ADD2: variants seen among roughly 807,000 people sequenced by gnomAD.
The protein encoded by ADD2 is adducin 2.
A neutral mutation model predicts 83.0 loss-of-function variants in ADD2; 23 were observed. That is an observed-to-expected ratio of 0.28 (90% CI 0.20 to 0.39). The LOEUF (loss-of-function observed/expected upper bound fraction) is 0.39, where lower values mean the gene tolerates loss of function less well. Among genes scored for constraint, ADD2 ranks in the 10% least tolerant of loss-of-function variants. The pLI is 1.00. For missense variants in ADD2, 758 were observed against 944.9 expected, an observed-to-expected ratio of 0.80 and a Z score of 2.59; for synonymous variants, 375 against 375.4, an observed-to-expected ratio of 1.00 and a Z score of 0.01.
chr2:70,685,907 C>G (rs925671345), intron 9 of ADD2, among the ~76,000 whole-genome samples: 9 of 152,232 alleles, frequency 5.9e-5, no homozygotes, highest in Non-Finnish European at 1.3e-4. Context: ...GTCGGCAGAG[C>G]AGGGAGCTGC....
intron 15 of ADD2, among the ~76,000 whole-genome samples, chr2:70,665,824 T>TTC (rs1448759936): frequency 1.3e-5 from 2 of 151,814 alleles, no homozygotes; most frequent in East Asian, 3.8e-4. Context: ...TTTTGTTTTT[T>TTC]TTTTTTTCCC....
rs541839358 is a variant in ADD2 at position 70,735,383 on chromosome 2, G to A, written c.-153-22199C>T. Among the ~76,000 whole-genome samples the A allele has an allele frequency of 7.9e-5, 12 of 152,210 alleles. No individual in the cohort carries two copies. In the East Asian group the frequency reaches 9.7e-4, roughly 12 times the overall value. ...ACATCAAAACTCCATCACATGGGGG[G>A]CACAGTTCGCACAACCCAAATTTAA... On this transcript the variant is annotated intron_variant, in intron 1 of 15. Coordinates refer to ENST00000264436, the MANE Select transcript of ADD2 (RefSeq NM_001617.4).
intron 7 of ADD2, chr2:70,691,721 T>C (rs868942844): frequency 1.3e-5 from 2 of 152,218 alleles, no homozygotes; most frequent in Non-Finnish European, 1.5e-5. Flanking sequence ...CTTCACATCT[T>C]AGTCCAAATT....
chr2:70,686,046 C>T (rs1173703152), intron 9 of ADD2, among the ~76,000 whole-genome samples: 1 of 152,232 alleles, frequency 6.6e-6, no homozygotes, highest in Non-Finnish European at 1.5e-5. Context: ...GCCACGTTCG[C>T]TTGTTTGCCA....
chr2:70,667,636 G>C (rs1669700677), intron 15 of ADD2, among the ~76,000 whole-genome samples: 2 of 152,072 alleles, frequency 1.3e-5, no homozygotes, highest in African/African-American at 4.8e-5. Context: ...GCTTTTTGGT[G>C]GGGGGATGGA....
At chr2:70,730,925 C>T (rs1224981735) in intron 1 of ADD2, among the ~76,000 whole-genome samples, 6 of 152,176 alleles carry the variant, frequency 3.9e-5, no homozygotes, top group African/African-American at 1.4e-4. Context: ...TGTAAGTACA[C>T]TCTCTGATTT....
In ADD2 at chr2:70,663,043, T is replaced by G; in HGVS notation, c.*382A>C. ...ACTCAGGGGAAGCCTTGACCTCTGATTTAGTCTGAGCCTGTGAGAGCTCAC... is the reference window on the plus strand; with the variant it reads ...ACTCAGGGGAAGCCTTGACCTCTGAGTTAGTCTGAGCCTGTGAGAGCTCAC... On this transcript the variant is annotated 3_prime_UTR_variant, in exon 16 of 16. Transcript: ENST00000264436. The G allele has an allele frequency of 1.1e-5, 2 of 183,012 alleles. No homozygotes were observed. Among genetic ancestry groups the G allele is most frequent in the Non-Finnish European group, 2.3e-5 (2 of 87,178 alleles). The allele number at this position is 183,012 out of a possible 1,614,324, so 11.3% of individuals were successfully genotyped here.
intron 1 of ADD2, among the ~76,000 whole-genome samples, chr2:70,744,458 A>T (rs1242593620): frequency 6.6e-6 from 1 of 152,190 alleles, no homozygotes; most frequent in Admixed American, 6.5e-5. Flanking sequence ...ACAGGGAGAA[A>T]AAGGGAAAAT....
At chr2:70,743,571 C>G (rs1674031764) in intron 1 of ADD2, among the ~76,000 whole-genome samples, 2 of 152,156 alleles carry the variant, frequency 1.3e-5, no homozygotes, top group Admixed American at 6.5e-5. Context: ...TTCTTCTCAA[C>G]AAGTGTGTAA....
rs1302314937 is a variant in ADD2, at chr2:70,661,019, C to G, written c.*2406G>C. On this transcript the variant is annotated 3_prime_UTR_variant, in exon 16 of 16. Coordinates refer to ENST00000264436, the MANE Select transcript of ADD2 (RefSeq NM_001617.4). ...GTTTTTGGAATGCATGAGGAATGAA[C>G]CAACTGACAGGTTCATCTATCAATA... 6.6e-6 allele frequency: 1 copy of G among 152,138 alleles called. No homozygotes were observed. The highest frequency in any genetic ancestry group is 1.9e-4 in the East Asian group (1 of 5,182). 9.4% of individuals were successfully genotyped at this position (152,138 alleles called of 1,614,324 possible).
Position 70,696,251 on chromosome 2 carries a change from A to G in ADD2, c.468T>C (p.Tyr156=), listed in dbSNP as rs950325726. Residue 156 remains tyrosine (Y), a synonymous_variant, in exon 5 of 16, where the codon TAT becomes TAC. Coordinates refer to ENST00000264436, the MANE Select transcript of ADD2 (RefSeq NM_001617.4). ...LYGWAQLSDT[Y]VTLRVSKEQD... is the part of the protein sequence containing the mutation. ...TCCAGGGCGTTCTGCTCACCGTGACATAGGTGTCACTCAGCTGGGCCCAGC... is the reference window on the plus strand; with the variant it reads ...TCCAGGGCGTTCTGCTCACCGTGACGTAGGTGTCACTCAGCTGGGCCCAGC... The G allele has an allele frequency of 6.2e-7, 1 of 1,612,460 alleles. No individual in the cohort carries two copies. Among genetic ancestry groups the G allele is most frequent in the Non-Finnish European group, 8.5e-7 (1 of 1,179,400 alleles).
intron 10 of ADD2, among the ~76,000 whole-genome samples, chr2:70,683,017 A>G (rs1377086067): frequency 1.4e-5 from 2 of 142,002 alleles, no homozygotes; most frequent in East Asian, 2.1e-4. Context: ...TTACTGGAGT[A>G]TGACCTTTTT....
intron 1 of ADD2, among the ~76,000 whole-genome samples, chr2:70,724,699 G>A (rs1336906167): frequency 6.6e-6 from 1 of 152,198 alleles, no homozygotes; most frequent in Non-Finnish European, 1.5e-5. Context: ...GTTGCTGCTG[G>A]CCACGGCTGT....
chr2:70,711,889 T>C (rs1052344945), intron 2 of ADD2, among the ~76,000 whole-genome samples: 1 of 152,184 alleles, frequency 6.6e-6, no homozygotes, highest in Non-Finnish European at 1.5e-5. Context: ...GAAGCATGGG[T>C]GACCTGGGGA....
At chr2:70,678,662 C>G (rs1312644224) in intron 11 of ADD2, 42 bp downstream of exon 11, 2 of 1,511,882 alleles carry the variant, frequency 1.3e-6, no homozygotes, top group African/African-American at 1.4e-5. Flanking sequence ...GCTAATGCAG[C>G]CTGCCCCTCT....
intron 8 of ADD2, among the ~76,000 whole-genome samples, chr2:70,690,225 T>C (rs1670958217): frequency 6.6e-6 from 1 of 152,068 alleles, no homozygotes; most frequent in Admixed American, 6.6e-5. Flanking sequence ...GCCTCCTGAG[T>C]AGCTGGGACC....
intron 1 of ADD2, among the ~76,000 whole-genome samples, chr2:70,762,872 ATT>A (rs1675193275): frequency 3.3e-5 from 5 of 151,378 alleles, no homozygotes; most frequent in African/African-American, 4.9e-5. Flanking sequence ...CACCCAGCTA[ATT>A]TTTGTATTTT....
At chr2:70,756,286 TG>T (rs1379448825) in intron 1 of ADD2, among the ~76,000 whole-genome samples, 1 of 152,094 alleles carries the variant, frequency 6.6e-6, no homozygotes, top group Non-Finnish European at 1.5e-5. Context: ...AATCACTAGA[TG>T]GGTGTTCTTA....
chr2:70,740,651 C>T (rs1673837717), intron 1 of ADD2, among the ~76,000 whole-genome samples: 1 of 151,356 alleles, frequency 6.6e-6, no homozygotes, highest in Non-Finnish European at 1.5e-5. Context: ...TGTTTGTTTG[C>T]TTTTTGTTGT....
Sources: allele counts gnomAD v4.1 joint callset (sites outside exome capture counted in the v4.1 genomes callset), GRCh38; gene constraint gnomAD v4.1.1; transcripts MANE v1.5; gene names NCBI Gene and HGNC (gene_info 2026-07-23, HGNC 2026-07-21).